Variants in IL1RAPL2 observed in about 807,000 individuals in gnomAD.
IL1RAPL2 encodes X-linked interleukin-1 receptor accessory protein-like 2.
IL1RAPL2 carries 3 observed loss-of-function variants against 44.1 expected under a neutral mutation model. That is an observed-to-expected ratio of 0.07 (90% confidence interval 0.03 to 0.18). The LOEUF (loss-of-function observed/expected upper bound fraction) is 0.18. Among genes scored for constraint, IL1RAPL2 ranks in the 10% least tolerant of loss-of-function variants. The probability of loss-of-function intolerance (pLI) is 1.00; values close to 1 mark genes in which losing one functional copy is unlikely to be tolerated. For missense variants in IL1RAPL2, 391 were observed against 496.4 expected, an observed-to-expected ratio of 0.79 and a Z score of 2.02; for synonymous variants, 181 against 178.8, an observed-to-expected ratio of 1.01 and a Z score of -0.10.
chrX:104,910,649 A>G (rs1255373125), intron 2 of IL1RAPL2, among the ~76,000 whole-genome samples: 1 of 111,496 alleles, frequency 9.0e-6, no homozygotes, highest in African/African-American at 3.3e-5. Flanking sequence ...TTGAATTTCT[A>G]GAACCTGATA....
chrX:105,115,462 A>G (rs1021712599), intron 2 of IL1RAPL2, among the ~76,000 whole-genome samples: 2 of 111,519 alleles, frequency 1.8e-5, no homozygotes, highest in Non-Finnish European at 3.8e-5. Context: ...GTGGGTTTAC[A>G]ATCCCTGAGC....
intron 1 of IL1RAPL2, among the ~76,000 whole-genome samples, chrX:104,569,033 A>C (rs1279410719): frequency 8.9e-6 from 1 of 112,141 alleles, no homozygotes; most frequent in Non-Finnish European, 1.9e-5. Context: ...GTGGCATCAA[A>C]GGCTCCTGGC....
intron 2 of IL1RAPL2, among the ~76,000 whole-genome samples, chrX:105,104,151 T>C (rs988771716): frequency 1.8e-5 from 2 of 111,462 alleles, no homozygotes; most frequent in Non-Finnish European, 3.8e-5. Context: ...CTTCAAGCTC[T>C]TTCTGAGCCC....
At chrX:104,908,463 AGC>A (rs1569339891) in intron 2 of IL1RAPL2, among the ~76,000 whole-genome samples, 1 of 111,162 alleles carries the variant, frequency 9.0e-6, no homozygotes, top group Non-Finnish European at 1.9e-5. Context: ...TTCCATGTTT[AGC>A]ACTTCCTTCA....
chrX:104,626,332 T>TG (rs1929507176), intron 1 of IL1RAPL2, among the ~76,000 whole-genome samples: 4 of 83,681 alleles, frequency 4.8e-5, no homozygotes, highest in South Asian at 1.0e-3. Context: ...GTGTGTGTGT[T>TG]TGTGCGTGTC....
intron 3 of IL1RAPL2, among the ~76,000 whole-genome samples, chrX:105,211,139 G>C (rs1485189979): frequency 9.0e-6 from 1 of 111,519 alleles, no homozygotes; most frequent in Non-Finnish European, 1.9e-5. Context: ...CATTTATCAT[G>C]GTGGTGGGTT....
intron 5 of IL1RAPL2, among the ~76,000 whole-genome samples, chrX:105,381,595 A>G (rs1392843188): frequency 8.9e-6 from 1 of 111,818 alleles, no homozygotes. Context: ...TGTGTTAGCC[A>G]GTATACTTTT....
At position 105,767,447 on chromosome X, in the gene IL1RAPL2, A is replaced by T. The variant is rs1165108092; in HGVS notation, c.1847A>T (p.His616Leu). The change falls in exon 11 of 11, where the codon CAC becomes CTC. Residue 616 changes from histidine to leucine, a missense_variant. Coordinates refer to ENST00000372582, the MANE Select transcript of IL1RAPL2 (RefSeq NM_017416.2). ...CCTTCAGATTCAATGCAAATCAGGC[A>T]CTGTTGCAGAGGTTATAAACATGAG... ...FHPSDSMQIR[H>L]CCRGYKHEIP... The T allele has an allele frequency of 8.3e-7, 1 of 1,211,128 alleles. No homozygotes were observed. Among genetic ancestry groups the T allele is most frequent in the East Asian group, 3.0e-5 (1 of 33,796 alleles).
At chrX:104,832,965 A>G (rs767005039) in intron 2 of IL1RAPL2, among the ~76,000 whole-genome samples, 1 of 111,669 alleles carries the variant, frequency 9.0e-6, no homozygotes, top group African/African-American at 3.3e-5. Flanking sequence ...ATATTTTAAT[A>G]TATAAAATGA....
At chrX:104,693,571 C>T (rs1240254733) in intron 2 of IL1RAPL2, among the ~76,000 whole-genome samples, 1 of 111,819 alleles carries the variant, frequency 8.9e-6, no homozygotes, top group Non-Finnish European at 1.9e-5. Context: ...AACGGACTGC[C>T]ACACGGTGAT....
chrX:105,687,243 T>TA (rs2037987498), intron 6 of IL1RAPL2, among the ~76,000 whole-genome samples: 1 of 99,501 alleles, frequency 1.0e-5, no homozygotes, highest in Non-Finnish European at 2.1e-5. Flanking sequence ...ATGAAAGAGA[T>TA]AGAGACACAA....
At chrX:105,632,011 T>C (rs1482171126) in intron 6 of IL1RAPL2, among the ~76,000 whole-genome samples, 3 of 110,788 alleles carry the variant, frequency 2.7e-5, no homozygotes, top group African/African-American at 6.6e-5. Flanking sequence ...ATACAATCTT[T>C]CCTTTGTCTT....
intron 3 of IL1RAPL2, among the ~76,000 whole-genome samples, chrX:105,201,314 G>A (rs1386183332): frequency 1.8e-5 from 2 of 112,023 alleles, no homozygotes; most frequent in Non-Finnish European, 3.8e-5. Context: ...CACTTGAAAC[G>A]AAAAGCATAG....
At chrX:105,300,076 G>A (rs948792755) in intron 5 of IL1RAPL2, among the ~76,000 whole-genome samples, 3 of 111,472 alleles carry the variant, frequency 2.7e-5, no homozygotes, top group African/African-American at 9.8e-5. Context: ...GTCAGTTCTT[G>A]TTACTAGTCC....
intron 2 of IL1RAPL2, among the ~76,000 whole-genome samples, chrX:104,811,900 C>A (rs1298414942): frequency 9.0e-6 from 1 of 110,826 alleles, no homozygotes; most frequent in Non-Finnish European, 1.9e-5. Flanking sequence ...GTGGCAGGAA[C>A]CTGAGCCCTG....
At chrX:105,022,774 C>T (rs764728746) in intron 2 of IL1RAPL2, among the ~76,000 whole-genome samples, 19 of 110,865 alleles carry the variant, frequency 1.7e-4, no homozygotes, top group South Asian at 1.1e-3. Context: ...TAGAGGGCTG[C>T]GTTACACTGT....
intron 2 of IL1RAPL2, among the ~76,000 whole-genome samples, chrX:104,956,643 AAAAAC>A (rs755637471): frequency 9.0e-6 from 1 of 111,042 alleles, no homozygotes; most frequent in Non-Finnish European, 1.9e-5. Context: ...TCTCGAAAAG[AAAAAC>A]AAAACAAAAC....
chrX:104,801,261 G>A (rs1331050819), intron 2 of IL1RAPL2, among the ~76,000 whole-genome samples: 1 of 111,907 alleles, frequency 8.9e-6, no homozygotes, highest in Non-Finnish European at 1.9e-5. Context: ...TTCTTCAGGG[G>A]TTTGGGCTCT....
intron 7 of IL1RAPL2, among the ~76,000 whole-genome samples, chrX:105,732,762 T>C (rs2038416577): frequency 9.0e-6 from 1 of 111,521 alleles, no homozygotes. Context: ...AATAACACCA[T>C]ACCATGTCAC....
Sources: allele counts gnomAD v4.1 joint callset (sites outside exome capture counted in the v4.1 genomes callset), GRCh38; gene constraint gnomAD v4.1.1; transcripts MANE v1.5; gene names NCBI Gene and HGNC (gene_info 2026-07-23, HGNC 2026-07-21).